APP: variants seen among roughly 807,000 people sequenced by gnomAD.
APP encodes amyloid beta precursor protein, also known as amyloid-beta precursor protein.
A neutral mutation model predicts 101.4 loss-of-function variants in APP; 31 were observed. That is an observed-to-expected ratio of 0.31 (90% CI 0.23 to 0.41). The LOEUF (loss-of-function observed/expected upper bound fraction) is 0.41. APP is among the 10% of genes least tolerant of loss of function. APP has a pLI of 1.00. For synonymous variants in APP, 366 were observed against 364.4 expected (o/e 1.00, Z -0.05); for missense variants, 839 against 1,003.7 (o/e 0.84, Z 2.22).
chr21:25,950,382 T>C (rs1368606049), intron 13 of APP, among the ~76,000 whole-genome samples: 10 of 114,812 alleles, frequency 8.7e-5, no homozygotes, highest in African/African-American at 4.2e-4. Context: ...TTTTTTTTTC[T>C]TTTTTTTTTT....
chr21:25,989,906 A>T (rs2042790649), intron 8 of APP, among the ~76,000 whole-genome samples: 1 of 135,784 alleles, frequency 7.4e-6, no homozygotes, highest in East Asian at 2.1e-4. Context: ...ATTATAACTT[A>T]AAAAAAAAGT....
At chr21:26,088,223 CA>C (rs1228173610) in intron 3 of APP, among the ~76,000 whole-genome samples, 1 of 152,094 alleles carries the variant, frequency 6.6e-6, no homozygotes, top group Non-Finnish European at 1.5e-5. Flanking sequence ...ACCTGGGGTT[CA>C]AAGGATATTT....
intron 15 of APP, among the ~76,000 whole-genome samples, chr21:25,903,749 A>G (rs1297087213): frequency 6.6e-6 from 1 of 152,244 alleles, no homozygotes; most frequent in African/African-American, 2.4e-5. Context: ...GGAGGACATT[A>G]GAAGAACTGA....
intron 15 of APP, among the ~76,000 whole-genome samples, chr21:25,904,687 G>A (rs965491346): frequency 6.6e-6 from 1 of 151,024 alleles, no homozygotes; most frequent in Admixed American, 6.6e-5. Context: ...CTGGGCTTCT[G>A]TTTTTAAGGA....
chr21:26,090,200 T>G (rs115412518), intron 2 of APP, 128 bp from the exon 3 acceptor site: 1 of 1,405,154 alleles, frequency 7.1e-7, no homozygotes, highest in African/African-American at 1.4e-5. Context: ...GGACCAGAAG[T>G]GCTTTCAAGG....
At position 26,000,118 on chromosome 21, in the gene APP, A is replaced by G. The variant is rs1342367532; in HGVS notation, c.930T>C (p.Asp310=). 12 of 1,614,104 alleles carry G rather than the reference A, an allele frequency of 7.4e-6. No individual in the cohort carries two copies. The highest frequency in any genetic ancestry group is 1.3e-5 in the African/African-American group (1 of 74,952). ...CRAMISRWYF[D]VTEGKCAPFF... ...ATGGGGCACACTTCCCTTCAGTCAC[A>G]TCAAAGTACCAGCGGGAGATCATTG... Residue 310 remains aspartate, a synonymous_variant, in exon 7 of 18, where the codon GAT becomes GAC. Transcript: ENST00000346798.
At chr21:26,100,114 G>A (rs1450890358) in intron 2 of APP, among the ~76,000 whole-genome samples, 1 of 152,138 alleles carries the variant, frequency 6.6e-6, no homozygotes, top group African/African-American at 2.4e-5. Context: ...GGACACAATT[G>A]TGAAAACACA....
intron 13 of APP, among the ~76,000 whole-genome samples, chr21:25,920,971 G>C (rs1036924433): frequency 6.9e-6 from 1 of 145,390 alleles, no homozygotes; most frequent in African/African-American, 2.7e-5. Context: ...TGACCACATA[G>C]TTGGAAGTAA....
intron 13 of APP, among the ~76,000 whole-genome samples, chr21:25,927,736 T>A (rs998807560): frequency 6.6e-6 from 1 of 152,164 alleles, no homozygotes; most frequent in Non-Finnish European, 1.5e-5. Flanking sequence ...AAATATTCCT[T>A]ATTGCTAGGG....
In APP at chr21:25,881,543, C is replaced by A. The variant is rs2036983067; in HGVS notation, c.*127G>T. ...TCTACTTGTGTTACAGCACAGCTGT[C>A]AAAAGGCGATAATGAGTAAATCATA... On this transcript the variant is annotated 3_prime_UTR_variant, in exon 18 of 18. Coordinates refer to ENST00000346798, the MANE Select transcript of APP (RefSeq NM_000484.4). 2 of 1,071,592 alleles carry A rather than the reference C, an allele frequency of 1.9e-6. No homozygotes were observed. Among genetic ancestry groups the A allele is most frequent in the South Asian group, 2.5e-5 (2 of 78,656 alleles). 66.4% of individuals were successfully genotyped at this position (1,071,592 alleles called of 1,614,324 possible). A position where few individuals can be genotyped will look rare whatever the true frequency, so the allele number is the denominator to read the frequency against.
chr21:26,037,180 G>A (rs1010829484), intron 5 of APP, among the ~76,000 whole-genome samples: 10 of 152,160 alleles, frequency 6.6e-5, no homozygotes, highest in Admixed American at 1.3e-4. Context: ...TTTCATAGAC[G>A]TAAAGAGTAG....
At chr21:25,963,950 A>T (rs1159399547) in intron 11 of APP, among the ~76,000 whole-genome samples, 3 of 152,208 alleles carry the variant, frequency 2.0e-5, no homozygotes, top group Admixed American at 2.0e-4. Context: ...TGGACACAGA[A>T]GTCTTGAATG....
At chr21:26,138,308 ATCT>A (rs1481536344) in intron 1 of APP, among the ~76,000 whole-genome samples, 2 of 152,082 alleles carry the variant, frequency 1.3e-5, no homozygotes, top group African/African-American at 4.8e-5. Flanking sequence ...AAGTTTTAAA[ATCT>A]TCTTAGAGAG....
intron 6 of APP, among the ~76,000 whole-genome samples, chr21:26,012,632 C>A (rs913467076): frequency 1.3e-5 from 2 of 152,194 alleles, no homozygotes; most frequent in Non-Finnish European, 1.5e-5. Flanking sequence ...AGCTTTGTAA[C>A]CTGCTCAAGG....
chr21:26,080,208 G>A (rs529273026), intron 3 of APP, among the ~76,000 whole-genome samples: 2 of 152,234 alleles, frequency 1.3e-5, no homozygotes, highest in East Asian at 1.9e-4. Context: ...GCAAATGACT[G>A]GGGTTATAAT....
intron 13 of APP, among the ~76,000 whole-genome samples, chr21:25,952,183 T>TACAC (rs1235142196): frequency 2.5e-5 from 3 of 120,386 alleles, no homozygotes; most frequent in African/African-American, 8.3e-5. Context: ...GAGAGCATAT[T>TACAC]ACATACATAC....
intron 1 of APP, among the ~76,000 whole-genome samples, chr21:26,152,329 CATTT>C (rs2063295364): frequency 7.1e-6 from 1 of 139,990 alleles, no homozygotes; most frequent in Admixed American, 7.2e-5. Flanking sequence ...TCTGAATAGA[CATTT>C]CTAAAAAGCA....
At chr21:26,059,036 G>C (rs540183937) in intron 3 of APP, among the ~76,000 whole-genome samples, 28 of 151,310 alleles carry the variant, frequency 1.9e-4, no homozygotes, top group African/African-American at 6.6e-4. Context: ...AGCCGAGATC[G>C]CGCCACTGCA....
intron 6 of APP, among the ~76,000 whole-genome samples, chr21:26,001,348 A>C (rs966315595): frequency 6.6e-6 from 1 of 152,210 alleles, no homozygotes; most frequent in African/African-American, 2.4e-5. Context: ...GAAGTGAAAC[A>C]ACAGCCCAAT....
Sources: gnomAD v4.1 joint callset for allele counts (sites outside exome capture counted in the v4.1 genomes callset) on GRCh38, gnomAD v4.1.1 for gene constraint, MANE v1.5 for transcripts, NCBI Gene and HGNC (gene_info 2026-07-23, HGNC 2026-07-21) for gene names.